Variants in AP3S2 observed in about 807,000 individuals in gnomAD.
The protein encoded by AP3S2 is AP-3 complex subunit sigma-2.
Under a neutral mutation model 23.4 loss-of-function variants are expected in AP3S2, and 22 were observed. The observed-to-expected ratio is 0.94, with a 90% confidence interval of 0.67 to 1.34. The LOEUF is 1.34. Among genes scored for constraint, AP3S2 ranks in the 40% most tolerant of loss-of-function variants. The probability of loss-of-function intolerance (pLI) is 0.00; values close to 1 mark genes in which losing one functional copy is unlikely to be tolerated. For missense variants in AP3S2, 241 were observed against 236.9 expected (o/e 1.02, Z -0.11); for synonymous variants, 86 against 87.1 (o/e 0.99, Z 0.07).
chr15:89,891,431 G>T (rs1004277906), intron 1 of AP3S2, among the ~76,000 whole-genome samples: 5 of 152,154 alleles, frequency 3.3e-5, no homozygotes, highest in Non-Finnish European at 5.9e-5. Context: ...GGCCAAGACG[G>T]GCAGATTACT....
At chr15:89,853,716 C>A (rs1289527907) in intron 4 of AP3S2, among the ~76,000 whole-genome samples, 2 of 131,986 alleles carry the variant, frequency 1.5e-5, no homozygotes. Flanking sequence ...GCGTCTCTGC[C>A]CGGCCGCCCA....
intron 3 of AP3S2, chr15:89,876,777 A>C (rs1896452529): frequency 6.5e-6 from 1 of 153,244 alleles, no homozygotes. Flanking sequence ...AAATTTTTTA[A>C]AAGAAAAAGA....
intron 4 of AP3S2, among the ~76,000 whole-genome samples, chr15:89,857,871 T>A (rs1895877932): frequency 6.6e-6 from 1 of 152,140 alleles, no homozygotes; most frequent in Admixed American, 6.6e-5. Flanking sequence ...TGTGACTGAT[T>A]TTGATCACTG....
chr15:89,886,076 C>T (rs572396432), intron 3 of AP3S2, among the ~76,000 whole-genome samples: 2 of 150,558 alleles, frequency 1.3e-5, no homozygotes, highest in African/African-American at 4.9e-5. Flanking sequence ...AGAGGCCGGG[C>T]GCAGTGGTTC....
At chr15:89,890,132 C>A (rs968589070) in intron 1 of AP3S2, among the ~76,000 whole-genome samples, 1 of 151,464 alleles carries the variant, frequency 6.6e-6, no homozygotes, top group Non-Finnish European at 1.5e-5. Flanking sequence ...CTCATTGCAA[C>A]CTCCACCTCC....
At chr15:89,870,868 T>C (rs1474141396) in intron 4 of AP3S2, among the ~76,000 whole-genome samples, 1 of 152,238 alleles carries the variant, frequency 6.6e-6, no homozygotes, top group African/African-American at 2.4e-5. Flanking sequence ...ATTCCCTTGC[T>C]GGCTATTGCC....
intron 4 of AP3S2, among the ~76,000 whole-genome samples, chr15:89,870,094 C>G (rs546130729): frequency 8.5e-5 from 13 of 152,254 alleles, no homozygotes; most frequent in African/African-American, 2.4e-4. Context: ...CAGAAGGCAC[C>G]TCTCCATTCC....
In AP3S2 at chr15:89,888,583, G is replaced by C. The variant is rs1351493320; in HGVS notation, c.211C>G (p.Leu71Val). The change falls in exon 3 of 6, where the codon CTC becomes GTC. Residue 71 changes from leucine (L) to valine (V), a missense_variant. By Grantham distance (32) the Leu-to-Val change is conservative. Transcript: ENST00000336418. ...YKLIYRHYAT[L>V]YFVFCVDSSE... ...GAATCCACACAAAATACAAAGTAGA[G>C]GGTAGCATAGTGCCGGTAGATCAGT... 9 of 1,614,090 alleles carry C rather than the reference G, an allele frequency of 5.6e-6. No individual in the cohort carries two copies. The highest frequency in any genetic ancestry group is 2.2e-5 in the South Asian group (2 of 91,088).
chr15:89,854,551 C>T (rs1596197187), intron 4 of AP3S2, among the ~76,000 whole-genome samples: 1 of 88,288 alleles, frequency 1.1e-5, no homozygotes, highest in African/African-American at 4.2e-5. Flanking sequence ...CGGCCAGCCG[C>T]CCCGTCCGGG....
At chr15:89,883,619 TC>T (rs1896624304) in intron 3 of AP3S2, among the ~76,000 whole-genome samples, 1 of 152,068 alleles carries the variant, frequency 6.6e-6, no homozygotes, top group African/African-American at 2.4e-5. Flanking sequence ...GCTCAAGTGA[TC>T]CTCCTGCCTC....
chr15:89,853,833 C>T (rs1596196172), intron 4 of AP3S2, among the ~76,000 whole-genome samples: 3 of 81,480 alleles, frequency 3.7e-5, no homozygotes, highest in Admixed American at 1.3e-4. Flanking sequence ...CGTCTCTGCC[C>T]GGCCGCCCCG....
Position 89,834,083 on chromosome 15 carries a change from A to C in AP3S2, c.*1432T>G, listed in dbSNP as rs2141829664. On this transcript the variant is annotated 3_prime_UTR_variant, in exon 6 of 6. Transcript: ENST00000336418. ...ACAGAAAGAACATTTATGGGCGCCTAAGCCCTGGGAGAATGGCACCTGAGG... is the reference window on the plus strand; with the variant it reads ...ACAGAAAGAACATTTATGGGCGCCTCAGCCCTGGGAGAATGGCACCTGAGG... 6.6e-6 allele frequency: 1 copy of C among 152,460 alleles called. No homozygotes were observed. Among genetic ancestry groups the C allele is most frequent in the Middle Eastern group, 3.4e-3 (1 of 294 alleles). 9.4% of individuals were successfully genotyped at this position (152,460 alleles called of 1,614,324 possible). A position where few individuals can be genotyped will look rare whatever the true frequency, so the allele number is the denominator to read the frequency against.
At chr15:89,838,321 T>A (rs1167408122) in intron 4 of AP3S2, among the ~76,000 whole-genome samples, 1 of 152,178 alleles carries the variant, frequency 6.6e-6, no homozygotes, top group Non-Finnish European at 1.5e-5. Flanking sequence ...GCCCAATTCC[T>A]TTGCACCTCT....
chr15:89,855,207 C>A (rs1895797161), intron 4 of AP3S2, among the ~76,000 whole-genome samples: 1 of 78,022 alleles, frequency 1.3e-5, no homozygotes, highest in East Asian at 4.7e-4. Flanking sequence ...CCTTGGGATC[C>A]TGTTGATCTG....
chr15:89,877,085 T>C (rs1157970155), intron 3 of AP3S2: 1 of 297,784 alleles, frequency 3.4e-6, no homozygotes, highest in Non-Finnish European at 6.7e-6. Flanking sequence ...CAAAATGTCA[T>C]ATATATGGAA....
intron 3 of AP3S2, among the ~76,000 whole-genome samples, chr15:89,882,249 T>C (rs1334292475): frequency 6.6e-6 from 1 of 152,110 alleles, no homozygotes; most frequent in East Asian, 1.9e-4. Flanking sequence ...TAGAGTAGTT[T>C]TATTCATATT....
intron 1 of AP3S2, among the ~76,000 whole-genome samples, chr15:89,890,089 T>C (rs1487689546): frequency 6.6e-6 from 1 of 152,104 alleles, no homozygotes; most frequent in African/African-American, 2.4e-5. Context: ...GACAGAGTCT[T>C]GTTCTGTTGC....
intron 4 of AP3S2, among the ~76,000 whole-genome samples, chr15:89,855,850 GAA>G (rs777406522): frequency 5.4e-5 from 4 of 74,408 alleles, no homozygotes; most frequent in Non-Finnish European, 5.3e-5. Flanking sequence ...AACTCCATCA[GAA>G]AAAAAAAAAA....
chr15:89,884,423 A>T (rs1187616171), intron 3 of AP3S2, among the ~76,000 whole-genome samples: 2 of 152,106 alleles, frequency 1.3e-5, no homozygotes, highest in Non-Finnish European at 2.9e-5. Context: ...TTAAAAAAAA[A>T]CCACTCAACA....
Sources: gnomAD v4.1 joint callset for allele counts (sites outside exome capture counted in the v4.1 genomes callset) on GRCh38, gnomAD v4.1.1 for gene constraint, MANE v1.5 for transcripts, NCBI Gene and HGNC (gene_info 2026-07-23, HGNC 2026-07-21) for gene names.